The following NRG1 variants were observed in gnomAD, a reference collection of about 807,000 sequenced individuals.
NRG1 encodes the protein pro-neuregulin-1, membrane-bound isoform.
NRG1 carries 18 observed loss-of-function variants against 63.8 expected under a neutral mutation model. The ratio of observed to expected loss-of-function variants is 0.28; its 90% confidence interval spans 0.19 to 0.42. The LOEUF (loss-of-function observed/expected upper bound fraction) is 0.42. NRG1 is among the 10% of genes least tolerant of loss of function. The pLI is 1.00. For synonymous variants in NRG1, 302 were observed against 301.3 expected (o/e 1.00, Z -0.02); for missense variants, 762 against 814.7 (o/e 0.94, Z 0.79).
At chr8:32,665,530 T>A (rs1291836247) in intron 5 of NRG1, among the ~76,000 whole-genome samples, 1 of 152,200 alleles carries the variant, frequency 6.6e-6, no homozygotes, top group Admixed American at 6.5e-5. Context: ...AATGGCATAC[T>A]CAATTTGTAG....
chr8:32,218,243 A>G (rs1021477596), intron 1 of NRG1, among the ~76,000 whole-genome samples: 14 of 152,192 alleles, frequency 9.2e-5, no homozygotes, highest in East Asian at 3.8e-4. Flanking sequence ...TCTTGTGCCA[A>G]TCTCCAAGTT....
At chr8:32,403,220 C>T (rs1813461192) in intron 1 of NRG1, among the ~76,000 whole-genome samples, 3 of 148,440 alleles carry the variant, frequency 2.0e-5, no homozygotes, top group Non-Finnish European at 4.4e-5. Context: ...ATTGCTTGAA[C>T]CTGGAAGGCA....
chr8:32,593,669 A>G (rs987824811), intron 1 of NRG1, among the ~76,000 whole-genome samples: 13 of 152,026 alleles, frequency 8.6e-5, no homozygotes, highest in African/African-American at 3.1e-4. Flanking sequence ...ATAAATAAAT[A>G]AATCCCTTCA....
intron 1 of NRG1, among the ~76,000 whole-genome samples, chr8:32,187,985 ACT>A (rs1842127038): frequency 1.3e-5 from 2 of 152,240 alleles, no homozygotes; most frequent in Admixed American, 6.5e-5. Flanking sequence ...GAAGGTCGAC[ACT>A]CTCAGGGAAG....
intron 1 of NRG1, among the ~76,000 whole-genome samples, chr8:32,467,773 G>C (rs952002889): frequency 6.6e-6 from 1 of 152,186 alleles, no homozygotes; most frequent in Non-Finnish European, 1.5e-5. Flanking sequence ...GCCAGAACTG[G>C]TATGATGTGA....
At chr8:32,482,398 T>TTGTGTGTGTGTGTGTGTGTGTGTG (rs10689849) in intron 1 of NRG1, among the ~76,000 whole-genome samples, 13 of 148,220 alleles carry the variant, frequency 8.8e-5, no homozygotes, top group African/African-American at 2.8e-4. Flanking sequence ...CTTTCTACTT[T>TTGTGTGTGTGTGTGTGTGTGTGTG]TGTGTGTGTG....
chr8:32,402,993 C>A (rs1813420863), intron 1 of NRG1, among the ~76,000 whole-genome samples: 1 of 151,732 alleles, frequency 6.6e-6, no homozygotes, highest in Non-Finnish European at 1.5e-5. Context: ...AACACAGAAG[C>A]CAAGAAAGAA....
At chr8:32,180,234 G>T (rs184137113) in intron 1 of NRG1, among the ~76,000 whole-genome samples, 2 of 151,874 alleles carry the variant, frequency 1.3e-5, no homozygotes, top group African/African-American at 4.8e-5. Context: ...CATTCTCTAC[G>T]CTTTGGCAGA....
At chr8:31,989,317 G>C (rs1810668570) in intron 1 of NRG1, among the ~76,000 whole-genome samples, 1 of 121,634 alleles carries the variant, frequency 8.2e-6, no homozygotes, top group Admixed American at 8.7e-5. Context: ...AGGATCCATG[G>C]GAGAACATCT....
intron 1 of NRG1, among the ~76,000 whole-genome samples, chr8:32,521,134 T>C (rs1830303716): frequency 6.6e-6 from 1 of 152,170 alleles, no homozygotes; most frequent in Admixed American, 6.5e-5. Context: ...AAATAGTATA[T>C]ATAGGGTTTG....
At chr8:32,644,933 C>T (rs1853199454) in intron 5 of NRG1, among the ~76,000 whole-genome samples, 2 of 151,980 alleles carry the variant, frequency 1.3e-5, no homozygotes, top group Non-Finnish European at 2.9e-5. Context: ...TCCTATCTGC[C>T]TGACTTGAGG....
At chr8:32,409,725 G>C (rs1277741739) in intron 1 of NRG1, among the ~76,000 whole-genome samples, 1 of 152,194 alleles carries the variant, frequency 6.6e-6, no homozygotes, top group East Asian at 1.9e-4. Flanking sequence ...TTCACGAAGA[G>C]ATGAGCTTTG....
At chr8:32,640,112 A>C (rs72634871) in intron 5 of NRG1, among the ~76,000 whole-genome samples, 6 of 152,180 alleles carry the variant, frequency 3.9e-5, no homozygotes, top group Non-Finnish European at 8.8e-5. Context: ...AATGAGACAC[A>C]GCAAAGATAT....
chr8:31,682,502 G>T (rs972775380), intron 1 of NRG1, among the ~76,000 whole-genome samples: 1 of 152,106 alleles, frequency 6.6e-6, no homozygotes, highest in Non-Finnish European at 1.5e-5. Context: ...TACACACATT[G>T]TACTAAAGTC....
chr8:32,009,499 A>G (rs1814380505), intron 1 of NRG1, among the ~76,000 whole-genome samples: 1 of 152,026 alleles, frequency 6.6e-6, no homozygotes, highest in African/African-American at 2.4e-5. Flanking sequence ...TAAAATAAGG[A>G]AATAAATAAG....
intron 5 of NRG1, among the ~76,000 whole-genome samples, chr8:32,642,795 GATA>G (rs1258300060): frequency 6.6e-6 from 1 of 152,100 alleles, no homozygotes; most frequent in Non-Finnish European, 1.5e-5. Context: ...AGATTTTGGA[GATA>G]ATATTTTTAG....
At chr8:32,417,177 G>C (rs1563435852) in intron 1 of NRG1, among the ~76,000 whole-genome samples, 1 of 152,154 alleles carries the variant, frequency 6.6e-6, no homozygotes, top group African/African-American at 2.4e-5. Flanking sequence ...GTTTTGAATA[G>C]CTCAGTCTAT....
At chr8:31,883,769 C>T (rs772115902) in intron 1 of NRG1, among the ~76,000 whole-genome samples, 1 of 152,060 alleles carries the variant, frequency 6.6e-6, no homozygotes, top group Non-Finnish European at 1.5e-5. Flanking sequence ...TTTCCTCTGA[C>T]CTAAATTCTA....
chr8:32,617,334 A>G (rs1847559659), intron 5 of NRG1, among the ~76,000 whole-genome samples: 1 of 152,234 alleles, frequency 6.6e-6, no homozygotes, highest in Non-Finnish European at 1.5e-5. Flanking sequence ...TAAGAAAACT[A>G]TATATAGATG....
Sources: gnomAD v4.1 joint callset for allele counts (sites outside exome capture counted in the v4.1 genomes callset) on GRCh38, gnomAD v4.1.1 for gene constraint, MANE v1.5 for transcripts, NCBI Gene and HGNC (gene_info 2026-07-23, HGNC 2026-07-21) for gene names.